VAV3: variants seen among roughly 807,000 people sequenced by gnomAD.
The protein encoded by VAV3 is guanine nucleotide exchange factor VAV3.
A neutral mutation model predicts 131.2 loss-of-function variants in VAV3; 94 were observed. The observed-to-expected ratio is 0.72, with a 90% CI of 0.61 to 0.85. VAV3 has a LOEUF of 0.85. Ranked by LOEUF, VAV3 falls within the 40% of genes least tolerant of loss-of-function variation. The pLI is 0.00. For missense variants in VAV3, 939 were observed against 1,002.7 expected (o/e 0.94, Z 0.86); for synonymous variants, 349 against 342.0 (o/e 1.02, Z -0.22).
chr1:107,861,897 T>C (rs993909368), intron 2 of VAV3, among the ~76,000 whole-genome samples: 1 of 151,670 alleles, frequency 6.6e-6, no homozygotes, highest in African/African-American at 2.4e-5. Context: ...AAATTAATTG[T>C]GTATACACAT....
At chr1:107,631,090 A>G (rs576862454) in intron 20 of VAV3, among the ~76,000 whole-genome samples, 14 of 152,178 alleles carry the variant, frequency 9.2e-5, no homozygotes, top group Non-Finnish European at 1.6e-4. Flanking sequence ...TAAATCATAC[A>G]CTAATTTGTC....
intron 19 of VAV3, among the ~76,000 whole-genome samples, chr1:107,663,616 T>C (rs192469481): frequency 6.6e-6 from 1 of 152,282 alleles, no homozygotes; most frequent in East Asian, 1.9e-4. Flanking sequence ...GGTCAGAGCT[T>C]CAAAGAAAAA....
At chr1:107,647,607 T>C (rs539462013) in intron 19 of VAV3, among the ~76,000 whole-genome samples, 6 of 152,122 alleles carry the variant, frequency 3.9e-5, no homozygotes, top group African/African-American at 1.4e-4. Context: ...TCAGAAATTT[T>C]CCTTTCATAA....
rs780391885 is a variant in VAV3 at position 107,609,985 on chromosome 1, A to G, written c.1981-20T>C. On this transcript the variant is annotated intron_variant, in intron 21 of 26. Transcript: ENST00000370056. ...GGGCACCTAGGATATAAAAAAGCAA[A>G]AACAGATTAAGTTTACATAAGGGAA... The G allele has an allele frequency of 8.7e-6, 14 of 1,612,420 alleles. No homozygotes were observed. The Admixed American group carries it at 2.2e-4, about 25-fold the overall frequency.
At chr1:107,937,678 C>G (rs1230933473) in intron 1 of VAV3, among the ~76,000 whole-genome samples, 1 of 152,056 alleles carries the variant, frequency 6.6e-6, no homozygotes, top group Non-Finnish European at 1.5e-5. Flanking sequence ...AGCCAAAAAG[C>G]CCTTAAAGTT....
At chr1:107,963,294 CTCCCACCATAAT>C (rs1224254206) in intron 1 of VAV3, 1 of 152,516 alleles carries the variant, frequency 6.6e-6, no homozygotes, top group Non-Finnish European at 1.5e-5. Flanking sequence ...CTAACTGCAG[CTCCCACCATAAT>C]AGAAAAGTCT....
In VAV3 at chr1:107,934,136, T is replaced by C. The variant is rs1400801743; in HGVS notation, c.204+30530A>G. 2.6e-5 allele frequency among the ~76,000 whole-genome samples: 4 copies of C among 152,352 alleles called. No individual in the cohort carries two copies. In the East Asian group the frequency reaches 7.7e-4, roughly 29 times the overall value. ...ATTTCAAAAGTGCCTTCTATTCTTATTATCTTGGAATTATAAGAACTCTAT... is the reference window on the plus strand; with the variant it reads ...ATTTCAAAAGTGCCTTCTATTCTTACTATCTTGGAATTATAAGAACTCTAT... On this transcript the variant is annotated intron_variant, in intron 1 of 26. Transcript: ENST00000370056.
At chr1:107,915,963 C>G (rs1672599086) in intron 1 of VAV3, among the ~76,000 whole-genome samples, 1 of 151,912 alleles carries the variant, frequency 6.6e-6, no homozygotes, top group Admixed American at 6.6e-5. Flanking sequence ...AAAAAGGAAG[C>G]ACAGGGGATG....
At chr1:107,639,980 A>T (rs546869196) in intron 20 of VAV3, among the ~76,000 whole-genome samples, 2 of 152,162 alleles carry the variant, frequency 1.3e-5, no homozygotes, top group South Asian at 4.2e-4. Flanking sequence ...GTTGGCAAGG[A>T]TAAGAGGCAC....
At chr1:107,912,406 C>A (rs1672416088) in intron 1 of VAV3, among the ~76,000 whole-genome samples, 1 of 152,116 alleles carries the variant, frequency 6.6e-6, no homozygotes, top group South Asian at 2.1e-4. Flanking sequence ...TTTTCCCTAA[C>A]AACCCTATAC....
At chr1:107,821,048 A>G (rs1182194473) in intron 2 of VAV3, among the ~76,000 whole-genome samples, 1 of 152,224 alleles carries the variant, frequency 6.6e-6, no homozygotes, top group African/African-American at 2.4e-5. Flanking sequence ...CTGGAAAAAT[A>G]CAATATAAAA....
chr1:107,764,257 G>A (rs1664610035), intron 9 of VAV3, among the ~76,000 whole-genome samples: 1 of 152,118 alleles, frequency 6.6e-6, no homozygotes, highest in Non-Finnish European at 1.5e-5. Context: ...CAATTGTTCA[G>A]GAATGCTCTC....
At chr1:107,718,244 T>C (rs1177005287) in intron 15 of VAV3, among the ~76,000 whole-genome samples, 4 of 152,092 alleles carry the variant, frequency 2.6e-5, no homozygotes, top group African/African-American at 9.7e-5. Flanking sequence ...GGGTATTCAA[T>C]TAGGAAAAGA....
intron 1 of VAV3, among the ~76,000 whole-genome samples, chr1:107,884,630 T>C (rs1056970999): frequency 6.6e-6 from 1 of 151,606 alleles, no homozygotes; most frequent in Non-Finnish European, 1.5e-5. Flanking sequence ...TTTATTTTTT[T>C]GTAGAGATGA....
intron 1 of VAV3, among the ~76,000 whole-genome samples, chr1:107,928,117 A>C (rs1373213838): frequency 1.3e-5 from 2 of 152,230 alleles, no homozygotes; most frequent in African/African-American, 4.8e-5. Context: ...CAAAAGCCTC[A>C]GCCTGGTGGT....
chr1:107,617,227 T>C (rs981211160), intron 21 of VAV3, among the ~76,000 whole-genome samples: 8 of 152,156 alleles, frequency 5.3e-5, no homozygotes, highest in African/African-American at 1.7e-4. Context: ...GTAACCCAAG[T>C]GACTGGAGGC....
chr1:107,899,157 T>C (rs1671744383), intron 1 of VAV3, among the ~76,000 whole-genome samples: 1 of 152,226 alleles, frequency 6.6e-6, no homozygotes, highest in African/African-American at 2.4e-5. Context: ...AAAAGTTTCC[T>C]AGATGACTTT....
At chr1:107,935,673 G>C (rs997808020) in intron 1 of VAV3, among the ~76,000 whole-genome samples, 6 of 152,164 alleles carry the variant, frequency 3.9e-5, no homozygotes, top group South Asian at 2.1e-4. Context: ...GAGGCAAAGG[G>C]ACAATAGGGT....
chr1:107,615,053 A>G (rs1653042140), intron 21 of VAV3, among the ~76,000 whole-genome samples: 1 of 152,188 alleles, frequency 6.6e-6, no homozygotes, highest in African/African-American at 2.4e-5. Context: ...ATCTAATTAA[A>G]TAAGAGTGGT....
Sources: gnomAD v4.1 joint callset for allele counts (sites outside exome capture counted in the v4.1 genomes callset) on GRCh38, gnomAD v4.1.1 for gene constraint, MANE v1.5 for transcripts, NCBI Gene and HGNC (gene_info 2026-07-23, HGNC 2026-07-21) for gene names.